WNT16: variants seen among roughly 807,000 people sequenced by gnomAD.
WNT16 encodes the protein Wnt family member 16.
WNT16 carries 20 observed loss-of-function variants against 35.4 expected under a neutral mutation model. That is an observed-to-expected ratio of 0.56 (90% confidence interval 0.40 to 0.82). The LOEUF (loss-of-function observed/expected upper bound fraction) is 0.82. WNT16 is among the 40% of genes least tolerant of loss of function. The pLI is 0.00. For synonymous variants in WNT16, 180 were observed against 179.2 expected (o/e 1.00, Z -0.03); for missense variants, 461 against 466.0 (o/e 0.99, Z 0.10).
chr7:121,338,836 AAC>A, intron 3 of WNT16, 43 bp from the exon 4 acceptor site: 5 of 1,536,554 alleles, frequency 3.3e-6, no homozygotes, highest in South Asian at 2.4e-5. Context: ...TGTTGAGTAA[AAC>A]ACTTTATGAT....
chr7:121,340,140 C>T lies in WNT16; in HGVS notation c.*795C>T, dbSNP rs972744963. The T allele has an allele frequency of 2.0e-5, 3 of 152,070 alleles. No homozygotes were observed. The highest frequency in any genetic ancestry group is 7.2e-5 in the African/African-American group (3 of 41,408). 9.4% of individuals were successfully genotyped at this position (152,070 alleles called of 1,614,324 possible). On this transcript the variant is annotated 3_prime_UTR_variant, in exon 4 of 4. Coordinates refer to ENST00000222462, the MANE Select transcript of WNT16 (RefSeq NM_057168.2). ...ATCAGTTTCAACTGTTAAAAACCCA[C>T]CTCTGAGATACTGGGGGGAGGATCC...
chr7:121,338,801 T>G, intron 3 of WNT16, 80 bp from the exon 4 acceptor site: 3 of 1,190,088 alleles, frequency 2.5e-6, no homozygotes, highest in Non-Finnish European at 3.5e-6. Context: ...AGAAAGTTAA[T>G]TGATTAGATT....
upstream of WNT16, chr7:121,325,509 A>G (rs1793230932): frequency 1.2e-6 from 2 of 1,604,724 alleles, no homozygotes; most frequent in Non-Finnish European, 1.7e-6. Flanking sequence ...TGGAGAACAA[A>G]ACAACTTTTT....
chr7:121,332,237 C>CATGTGTGTGTGT (rs1554367969), intron 3 of WNT16, among the ~76,000 whole-genome samples: 1 of 151,248 alleles, frequency 6.6e-6, no homozygotes, highest in Non-Finnish European at 1.5e-5. Flanking sequence ...AATAAATATA[C>CATGTGTGTGTGT]GTGTGTGTGT....
In WNT16 at chr7:121,340,387, A is replaced by T. The variant is rs980439399; in HGVS notation, c.*1042A>T. ...AGGCAGTAAAATTATCTCATAAATAATATTAGCTTATTTTTTTTCATACTA... is the reference window on the plus strand; with the variant it reads ...AGGCAGTAAAATTATCTCATAAATATTATTAGCTTATTTTTTTTCATACTA... On this transcript the variant is annotated 3_prime_UTR_variant, in exon 4 of 4. Transcript: ENST00000222462. 27 of 152,222 alleles carry T rather than the reference A, an allele frequency of 1.8e-4. No homozygotes were observed. Among genetic ancestry groups the T allele is most frequent in the African/African-American group, 6.3e-4 (26 of 41,540 alleles). The allele number at this position is 152,222 out of a possible 1,614,324, so 9.4% of individuals were successfully genotyped here.
In WNT16 at chr7:121,331,036, C is replaced by G. The variant is rs182354109; in HGVS notation, c.347-642C>G. On this transcript the variant is annotated intron_variant, in intron 2 of 3. Coordinates refer to ENST00000222462, the MANE Select transcript of WNT16 (RefSeq NM_057168.2). ...GCTAGTGACATTTTAATTATCTTAC[C>G]TTTCATTGCCTTTAAGACTGTAAGA... Among the ~76,000 whole-genome samples, 55 of 152,198 alleles carry G rather than the reference C, an allele frequency of 3.6e-4. No homozygotes were observed. In the East Asian group the frequency reaches 9.4e-3, roughly 26 times the overall value.
upstream of WNT16, chr7:121,325,375 A>G (rs1793227896): frequency 1.9e-6 from 3 of 1,600,792 alleles, no homozygotes; most frequent in Non-Finnish European, 1.7e-6. Flanking sequence ...TCAGCCTGCA[A>G]AAACCACAGA....
chr7:121,329,168 T>C lies in WNT16; in HGVS notation c.-125T>C. 2 of 1,425,898 alleles carry C rather than the reference T, an allele frequency of 1.4e-6. No individual in the cohort carries two copies. The highest frequency in any genetic ancestry group is 1.8e-6 in the Non-Finnish European group (2 of 1,093,448). The allele number at this position is 1,425,898 out of a possible 1,614,324, so 88.3% of individuals were successfully genotyped here. ...CCTATCACTGCTGGCCTTTTAATGT[T>C]GTATGCAAGGAGGAAGAGGGCGAGG... On this transcript the variant is annotated 5_prime_UTR_variant, in exon 1 of 4. Coordinates refer to ENST00000222462, the MANE Select transcript of WNT16 (RefSeq NM_057168.2).
chr7:121,328,712 G>T (rs1214159463), upstream of WNT16, among the ~76,000 whole-genome samples: 2 of 152,202 alleles, frequency 1.3e-5, no homozygotes, highest in African/African-American at 4.8e-5. Context: ...TTCCCCCAAG[G>T]TTGCTAAGAC....
chr7:121,326,459 G>T (rs1793245433), upstream of WNT16, among the ~76,000 whole-genome samples: 2 of 152,162 alleles, frequency 1.3e-5, no homozygotes, highest in African/African-American at 4.8e-5. Flanking sequence ...GTTTGAAAAT[G>T]TTTGACACAG....
At chr7:121,330,081 GA>G (rs1263705685) in intron 2 of WNT16, among the ~76,000 whole-genome samples, 1 of 151,988 alleles carries the variant, frequency 6.6e-6, no homozygotes, top group South Asian at 2.1e-4. Context: ...GCCAGAGTTG[GA>G]AAAAAAACTC....
chr7:121,339,371 T>G lies in WNT16; in HGVS notation c.*26T>G, dbSNP rs373809618. ...CCACTCCATCCAGCCTTGGGCAAGA[T>G]GCCTCAGCAATATACAATGGCATTG... On this transcript the variant is annotated 3_prime_UTR_variant, in exon 4 of 4. Coordinates refer to ENST00000222462, the MANE Select transcript of WNT16 (RefSeq NM_057168.2). 4 of 1,595,268 alleles carry G rather than the reference T, an allele frequency of 2.5e-6. No individual in the cohort carries two copies. The highest frequency in any genetic ancestry group is 3.4e-6 in the Non-Finnish European group (4 of 1,172,394).
chr7:121,333,559 A>G (rs1466906244), intron 3 of WNT16, among the ~76,000 whole-genome samples: 1 of 151,996 alleles, frequency 6.6e-6, no homozygotes, highest in African/African-American at 2.4e-5. Flanking sequence ...ATTTAAAAAA[A>G]TAAATGACTG....
At chr7:121,333,626 T>C (rs1281387731) in intron 3 of WNT16, among the ~76,000 whole-genome samples, 2 of 152,044 alleles carry the variant, frequency 1.3e-5, no homozygotes, top group Admixed American at 1.3e-4. Flanking sequence ...ATTTCTAGCA[T>C]ATTAATTTTG....
At position 121,340,681 on chromosome 7, in the gene WNT16, G is replaced by A. The variant is rs1793518593; in HGVS notation, c.*1336G>A. On this transcript the variant is annotated 3_prime_UTR_variant, in exon 4 of 4. Coordinates refer to ENST00000222462, the MANE Select transcript of WNT16 (RefSeq NM_057168.2). ...AAATCAGAATAGTGATCAATTTGTG[G>A]ATTTGATATCCTGGATATTTATTAT... is the stretch of plus-strand genomic sequence containing the variant. 2 of 152,234 alleles carry A rather than the reference G, an allele frequency of 1.3e-5. No individual in the cohort carries two copies. Among genetic ancestry groups the A allele is most frequent in the Admixed American group, 1.3e-4 (2 of 15,260 alleles). 9.4% of individuals were successfully genotyped at this position (152,234 alleles called of 1,614,324 possible). A position where few individuals can be genotyped will look rare whatever the true frequency, so the allele number is the denominator to read the frequency against.
chr7:121,334,311 C>G (rs1793400767), intron 3 of WNT16, among the ~76,000 whole-genome samples: 1 of 151,924 alleles, frequency 6.6e-6, no homozygotes, highest in South Asian at 2.1e-4. Flanking sequence ...AGGTACTATG[C>G]TGGTGTTTTT....
upstream of WNT16, among the ~76,000 whole-genome samples, chr7:121,326,980 T>A (rs1793255875): frequency 6.6e-6 from 1 of 152,216 alleles, no homozygotes. Flanking sequence ...TGTTCCTCAT[T>A]GTTAATTCAC....
At chr7:121,332,702 A>G (rs1358335583) in intron 3 of WNT16, among the ~76,000 whole-genome samples, 4 of 152,108 alleles carry the variant, frequency 2.6e-5, no homozygotes, top group African/African-American at 9.7e-5. Flanking sequence ...GGAAATAGTT[A>G]TTTTATTATA....
intron 3 of WNT16, among the ~76,000 whole-genome samples, chr7:121,337,745 T>TCAA (rs375842203): frequency 6.7e-4 from 102 of 152,334 alleles, no homozygotes; most frequent in African/African-American, 2.3e-3. Context: ...AATGTTTATC[T>TCAA]CAACTCTAAC....
Sources: gnomAD v4.1 joint callset for allele counts (sites outside exome capture counted in the v4.1 genomes callset) on GRCh38, gnomAD v4.1.1 for gene constraint, MANE v1.5 for transcripts, NCBI Gene and HGNC (gene_info 2026-07-23, HGNC 2026-07-21) for gene names.